LTBP1: variants seen among roughly 807,000 people sequenced by gnomAD.
LTBP1 encodes the protein latent-transforming growth factor beta-binding protein 1.
LTBP1 carries 129 observed loss-of-function variants against 207.6 expected under a neutral mutation model. That is an observed-to-expected ratio of 0.62 (90% confidence interval 0.54 to 0.72). The LOEUF is 0.72. LTBP1 is among the 30% of genes least tolerant of loss of function. The pLI, the probability that LTBP1 is intolerant of heterozygous loss-of-function variation, is 0.00. For synonymous variants in LTBP1, 963 were observed against 833.7 expected, an observed-to-expected ratio of 1.16 and a Z score of -2.67; for missense variants, 2,281 against 2,217.2, an observed-to-expected ratio of 1.03 and a Z score of -0.58.
chr2:33,273,869 T>C, intron 16 of LTBP1, 88 bp downstream of exon 16: 1 of 1,249,332 alleles, frequency 8.0e-7, no homozygotes. Context: ...TTAACCATTT[T>C]GGGAAAGTGT....
intron 26 of LTBP1, among the ~76,000 whole-genome samples, chr2:33,354,439 T>C (rs1409683901): frequency 4.6e-5 from 7 of 152,032 alleles, no homozygotes. Context: ...ATCTATACCA[T>C]ATATGTAGGT....
At position 33,110,642 on chromosome 2, in the gene LTBP1, G is replaced by A; in HGVS notation, c.924G>A (p.Val308=). 6.2e-7 allele frequency: 1 copy of A among 1,614,152 alleles called. No homozygotes were observed. Among genetic ancestry groups the A allele is most frequent in the African/African-American group, 1.3e-5 (1 of 75,032 alleles). Residue 308 remains valine, a synonymous_variant, in exon 4 of 34, where the codon GTG becomes GTA. Transcript: ENST00000404816. ...ACCATGGCCAGACCCAGGAATACGTGCTCAAGCCCAAGTACTTTCCAGCCC... is the reference window on the plus strand; with the variant it reads ...ACCATGGCCAGACCCAGGAATACGTACTCAAGCCCAAGTACTTTCCAGCCC... The part of the protein sequence containing the change: ...VIHHGQTQEY[V]LKPKYFPAQK...
chr2:33,393,720 T>C (rs2095336188), intron 32 of LTBP1, among the ~76,000 whole-genome samples: 1 of 152,228 alleles, frequency 6.6e-6, no homozygotes. Context: ...GTTCCAAGTC[T>C]TTGCTATTGT....
At chr2:33,313,730 A>G (rs2149230844) in intron 23 of LTBP1, among the ~76,000 whole-genome samples, 1 of 152,298 alleles carries the variant, frequency 6.6e-6, no homozygotes, top group African/African-American at 2.4e-5. Context: ...CAGTTAGCGG[A>G]GAAGGAAAAT....
chr2:33,311,573 T>G (rs902430735), intron 23 of LTBP1, among the ~76,000 whole-genome samples: 3 of 151,482 alleles, frequency 2.0e-5, no homozygotes, highest in Admixed American at 2.0e-4. Context: ...CTGACTCTTG[T>G]TTTTATTATA....
rs72869686 is a variant in LTBP1, at chr2:33,073,138, G to A, written c.864-37444G>A. 7.1e-3 allele frequency among the ~76,000 whole-genome samples: 1,080 copies of A among 152,272 alleles called. 19 individuals carry two copies. Among genetic ancestry groups the A allele is most frequent in the African/African-American group, 0.025 (1,019 of 41,554 alleles). On this transcript the variant is annotated intron_variant, in intron 3 of 33. Transcript: ENST00000404816. ...AAAATGATGTATAACCTGATTGCATGGTTTGAGGAGTGAATAGGAGATGAG... is the reference window on the plus strand; with the variant it reads ...AAAATGATGTATAACCTGATTGCATAGTTTGAGGAGTGAATAGGAGATGAG...
At chr2:33,077,367 T>G (rs1020091401) in intron 3 of LTBP1, among the ~76,000 whole-genome samples, 15 of 152,306 alleles carry the variant, frequency 9.8e-5, no homozygotes, top group Admixed American at 8.5e-4. Context: ...ACTGGGTAAT[T>G]TACAAAGAAA....
At chr2:33,322,992 G>A (rs979241106) in intron 24 of LTBP1, among the ~76,000 whole-genome samples, 3 of 152,102 alleles carry the variant, frequency 2.0e-5, no homozygotes, top group East Asian at 1.9e-4. Flanking sequence ...GTGAGATCGG[G>A]ATTGTTTTCT....
chr2:33,255,491 C>T (rs1310508723), intron 11 of LTBP1, among the ~76,000 whole-genome samples: 3 of 152,108 alleles, frequency 2.0e-5, no homozygotes, highest in Admixed American at 1.3e-4. Context: ...GATATATACC[C>T]AAATGACTAT....
At chr2:33,226,557 C>T (rs1449909536) in intron 9 of LTBP1, among the ~76,000 whole-genome samples, 1 of 152,222 alleles carries the variant, frequency 6.6e-6, no homozygotes, top group Non-Finnish European at 1.5e-5. Flanking sequence ...CAACAGTAGC[C>T]ATCCGGAGCA....
chr2:33,255,938 C>G (rs1416027471), intron 11 of LTBP1, among the ~76,000 whole-genome samples: 2 of 152,114 alleles, frequency 1.3e-5, no homozygotes, highest in East Asian at 1.9e-4. Flanking sequence ...GCCTCCAACA[C>G]CAACACCAAA....
chr2:32,947,646 C>A lies in LTBP1; in HGVS notation c.322C>A (p.Pro108Thr). 1 of 1,394,318 alleles carries A rather than the reference C, an allele frequency of 7.2e-7. No homozygotes were observed. Among genetic ancestry groups the A allele is most frequent in the Admixed American group, 3.2e-5 (1 of 31,694 alleles). 86.4% of individuals were successfully genotyped at this position (1,394,318 alleles called of 1,614,324 possible). ...LRPPPPPPPEPARPAVPGGQL... is the reference protein window; with the variant it reads ...LRPPPPPPPETARPAVPGGQL... ...ACCGCCGCCGCCGCCGCCGCCGGAG[C>A]CTGCGCGTCCCGCGGTCCCCGGCGG... Residue 108 changes from proline (P) to threonine (T), a missense_variant, in exon 1 of 34, where the codon CCT becomes ACT. By Grantham distance (38) the Pro-to-Thr change is conservative. Transcript: ENST00000404816.
At chr2:33,169,052 T>C (rs556158412) in intron 5 of LTBP1, among the ~76,000 whole-genome samples, 57 of 152,064 alleles carry the variant, frequency 3.7e-4, no homozygotes, top group East Asian at 9.7e-4. Context: ...TAAAAAGGAG[T>C]TGTAGTCGGG....
At chr2:33,267,358 C>G (rs2093209436) in intron 15 of LTBP1, among the ~76,000 whole-genome samples, 1 of 152,222 alleles carries the variant, frequency 6.6e-6, no homozygotes, top group Admixed American at 6.5e-5. Context: ...GCAAGCAAAA[C>G]TTGGGCAAAG....
intron 4 of LTBP1, among the ~76,000 whole-genome samples, chr2:33,118,191 A>C (rs187334020): frequency 5.9e-4 from 62 of 105,322 alleles, no homozygotes; most frequent in African/African-American, 1.8e-3. Context: ...ACTTGTGTGC[A>C]AAAAAAAAAA....
In LTBP1 at chr2:33,280,169, T is replaced by G; in HGVS notation, c.3112+11T>G. 1 of 1,603,880 alleles carries G rather than the reference T, an allele frequency of 6.2e-7. No individual in the cohort carries two copies. The highest frequency in any genetic ancestry group is 8.5e-7 in the Non-Finnish European group (1 of 1,176,322). On this transcript the variant is annotated intron_variant, in intron 19 of 33. Transcript: ENST00000404816. ...ATGGACAGTGCCTTGGTAGGTACTA[T>G]AGTGTACTTATCAAAGATTTGTTTC...
chr2:33,210,814 T>C (rs1246398090), intron 7 of LTBP1, among the ~76,000 whole-genome samples: 1 of 152,214 alleles, frequency 6.6e-6, no homozygotes, highest in Non-Finnish European at 1.5e-5. Flanking sequence ...TTCCATCTCT[T>C]TGGAATCTCT....
At chr2:33,351,518 C>A (rs907297318) in intron 26 of LTBP1, among the ~76,000 whole-genome samples, 1 of 152,176 alleles carries the variant, frequency 6.6e-6, no homozygotes, top group African/African-American at 2.4e-5. Context: ...CCTGCAGTAT[C>A]ACCATCCAAT....
intron 19 of LTBP1, among the ~76,000 whole-genome samples, chr2:33,290,358 G>C (rs1487116221): frequency 6.6e-6 from 1 of 152,178 alleles, no homozygotes; most frequent in African/African-American, 2.4e-5. Flanking sequence ...ATCTTCCCAA[G>C]GGTTGGAAGC....
Sources: gnomAD v4.1 joint callset for allele counts (sites outside exome capture counted in the v4.1 genomes callset) on GRCh38, gnomAD v4.1.1 for gene constraint, MANE v1.5 for transcripts, NCBI Gene and HGNC (gene_info 2026-07-23, HGNC 2026-07-21) for gene names.